STAU2: variants seen among roughly 807,000 people sequenced by gnomAD.
STAU2 encodes staufen double-stranded RNA binding protein 2.
In STAU2, 20 loss-of-function variants were observed where a neutral mutation model predicts 65.9. That is an observed-to-expected ratio of 0.30 (90% CI 0.21 to 0.44). The LOEUF (loss-of-function observed/expected upper bound fraction) is 0.44, where lower values mean the gene tolerates loss of function less well. Among genes scored for constraint, STAU2 ranks in the 20% least tolerant of loss-of-function variants. STAU2 has a pLI of 1.00. For synonymous variants in STAU2, 232 were observed against 233.9 expected (o/e 0.99, Z 0.07); for missense variants, 558 against 683.9 (o/e 0.82, Z 2.05).
chr8:73,567,431 C>T (rs1171170620), intron 12 of STAU2, among the ~76,000 whole-genome samples: 4 of 151,960 alleles, frequency 2.6e-5, no homozygotes, highest in Admixed American at 6.6e-5. Flanking sequence ...CACTTGAATC[C>T]GTGAGGTGGA....
chr8:73,549,208 C>G (rs191840635), intron 13 of STAU2, among the ~76,000 whole-genome samples: 2 of 152,220 alleles, frequency 1.3e-5, no homozygotes, highest in East Asian at 3.9e-4. Context: ...TACGATTAGG[C>G]TGAACAACAA....
intron 3 of STAU2, among the ~76,000 whole-genome samples, chr8:73,734,621 C>G (rs976892121): frequency 6.6e-6 from 1 of 152,048 alleles, no homozygotes; most frequent in Non-Finnish European, 1.5e-5. Context: ...TGGTGAAACT[C>G]CATCTCTACT....
At chr8:73,578,395 G>A (rs1190712986) in intron 12 of STAU2, among the ~76,000 whole-genome samples, 1 of 152,130 alleles carries the variant, frequency 6.6e-6, no homozygotes, top group Non-Finnish European at 1.5e-5. Flanking sequence ...CCTAGCTTCA[G>A]TAGGCAAGAA....
At chr8:73,515,775 T>C (rs79455607) in intron 13 of STAU2, among the ~76,000 whole-genome samples, 3 of 40,866 alleles carry the variant, frequency 7.3e-5, no homozygotes, top group East Asian at 1.0e-3. Flanking sequence ...AAATTTCTCT[T>C]TTTTTTTTTT....
intron 13 of STAU2, among the ~76,000 whole-genome samples, chr8:73,449,545 T>C (rs571554861): frequency 6.6e-6 from 1 of 152,284 alleles, no homozygotes; most frequent in South Asian, 2.1e-4. Context: ...CACAATCCAG[T>C]CCGTAACAAG....
intron 13 of STAU2, among the ~76,000 whole-genome samples, chr8:73,475,914 A>G (rs1585835754): frequency 6.6e-6 from 1 of 152,366 alleles, no homozygotes; most frequent in East Asian, 1.9e-4. Flanking sequence ...ACAACTAAAA[A>G]CAGATGATAT....
chr8:73,570,633 C>A (rs897185634), intron 12 of STAU2, among the ~76,000 whole-genome samples: 1 of 152,076 alleles, frequency 6.6e-6, no homozygotes, highest in African/African-American at 2.4e-5. Context: ...AGAGCAACCC[C>A]AAGACACGTA....
chr8:73,734,272 A>C (rs1393409914), intron 3 of STAU2, among the ~76,000 whole-genome samples: 1 of 143,808 alleles, frequency 7.0e-6, no homozygotes, highest in East Asian at 2.0e-4. Flanking sequence ...AATTTTCTAC[A>C]GTAAGCATAA....
At chr8:73,687,391 AATAAT>A (rs1563507085) in intron 5 of STAU2, among the ~76,000 whole-genome samples, 2 of 105,064 alleles carry the variant, frequency 1.9e-5, no homozygotes, top group South Asian at 2.9e-4. Context: ...TATTTATAAA[AATAAT>A]ATATTTATAT....
At chr8:73,649,398 C>T (rs574677637) in intron 6 of STAU2, among the ~76,000 whole-genome samples, 3 of 152,150 alleles carry the variant, frequency 2.0e-5, no homozygotes. Context: ...TTTCTCAACA[C>T]AGAGGTCCAG....
chr8:73,661,066 G>C (rs1303142522), intron 6 of STAU2, among the ~76,000 whole-genome samples: 1 of 152,100 alleles, frequency 6.6e-6, no homozygotes, highest in Non-Finnish European at 1.5e-5. Context: ...ATTAAAACCT[G>C]AAAACAACAC....
At chr8:73,723,818 C>G (rs1821849866) in intron 3 of STAU2, among the ~76,000 whole-genome samples, 1 of 152,140 alleles carries the variant, frequency 6.6e-6, no homozygotes, top group Non-Finnish European at 1.5e-5. Flanking sequence ...AGTTCTGTGT[C>G]AATTTTGACG....
intron 9 of STAU2, 150 bp downstream of exon 9, chr8:73,613,594 T>C (rs1586123693): frequency 5.7e-6 from 3 of 526,456 alleles, no homozygotes; most frequent in South Asian, 8.4e-5. Context: ...AATAGAATTG[T>C]CATTAATTTA....
At chr8:73,540,503 A>G (rs1806473140) in intron 13 of STAU2, among the ~76,000 whole-genome samples, 1 of 152,220 alleles carries the variant, frequency 6.6e-6, no homozygotes, top group South Asian at 2.1e-4. Flanking sequence ...TTTTTATGTA[A>G]CCAATTATGT....
intron 3 of STAU2, among the ~76,000 whole-genome samples, chr8:73,726,546 G>GT (rs1383602726): frequency 2.0e-5 from 3 of 152,150 alleles, no homozygotes; most frequent in Non-Finnish European, 4.4e-5. Flanking sequence ...CACTGATGCT[G>GT]TTTTTTTCTT....
At chr8:73,616,520 CG>C (rs1812842356) in intron 7 of STAU2, among the ~76,000 whole-genome samples, 1 of 151,784 alleles carries the variant, frequency 6.6e-6, no homozygotes, top group Non-Finnish European at 1.5e-5. Context: ...ACTATGCTGC[CG>C]GGCATGGTGG....
At chr8:73,482,775 AATTG>A (rs1820700177) in intron 13 of STAU2, among the ~76,000 whole-genome samples, 2 of 152,118 alleles carry the variant, frequency 1.3e-5, no homozygotes, top group African/African-American at 4.8e-5. Flanking sequence ...ATAGTTTGTT[AATTG>A]ATTGAAAACA....
intron 13 of STAU2, among the ~76,000 whole-genome samples, chr8:73,501,439 T>C (rs1821745776): frequency 6.6e-6 from 1 of 151,974 alleles, no homozygotes; most frequent in South Asian, 2.1e-4. Context: ...CTATTACATT[T>C]GTTGCTATTA....
intron 3 of STAU2, among the ~76,000 whole-genome samples, chr8:73,709,645 C>T (rs1820749618): frequency 6.6e-6 from 1 of 151,936 alleles, no homozygotes; most frequent in Non-Finnish European, 1.5e-5. Context: ...CTTCCAACTA[C>T]AATTTTTCGG....
Sources: gnomAD v4.1 joint callset for allele counts (sites outside exome capture counted in the v4.1 genomes callset) on GRCh38, gnomAD v4.1.1 for gene constraint, MANE v1.5 for transcripts, NCBI Gene and HGNC (gene_info 2026-07-23, HGNC 2026-07-21) for gene names.